The following PCDHGB2 variants were observed in gnomAD, a reference collection of about 807,000 sequenced individuals.
PCDHGB2 encodes protocadherin gamma-B2.
Under a neutral mutation model 59.3 loss-of-function variants are expected in PCDHGB2, and 55 were observed. That is an observed-to-expected ratio of 0.93 (90% CI 0.75 to 1.16). The LOEUF (loss-of-function observed/expected upper bound fraction) is 1.16, where lower values mean the gene tolerates loss of function less well. Ranked by LOEUF, PCDHGB2 falls within the 50% of genes most tolerant of loss-of-function variation. The pLI, the probability that PCDHGB2 is intolerant of heterozygous loss-of-function variation, is 0.00. For missense variants in PCDHGB2, 1,228 were observed against 1,198.5 expected (o/e 1.02, Z -0.36); for synonymous variants, 516 against 512.0 (o/e 1.01, Z -0.11).
intron 1 of PCDHGB2, chr5:141,421,835 G>A (rs755889809): frequency 5.6e-6 from 9 of 1,613,746 alleles, no homozygotes; most frequent in Non-Finnish European, 6.8e-6. Context: ...AGCCTGGACC[G>A]AGAGAAAGAG....
chr5:141,511,276 T>C lies in PCDHGB2; in HGVS notation c.*103T>C. On this transcript the variant is annotated 3_prime_UTR_variant, in exon 4 of 4. Coordinates refer to ENST00000522605, the MANE Select transcript of PCDHGB2 (RefSeq NM_018923.3). ...AGAGTTTCAGGGCTAACCCCCAGAA[T>C]ACTGGTAGGGGCCAAGGCCATGCTC... 6.5e-7 allele frequency: 1 copy of C among 1,538,084 alleles called. No homozygotes were observed. Among genetic ancestry groups the C allele is most frequent in the Non-Finnish European group, 8.8e-7 (1 of 1,140,720 alleles).
chr5:141,403,530 AG>A (rs1303990777), intron 1 of PCDHGB2: 2 of 1,613,988 alleles, frequency 1.2e-6, no homozygotes. Context: ...ATAAACCCAG[AG>A]CTGGTGCTGG....
chr5:141,399,859 G>A (rs2093908235), intron 1 of PCDHGB2: 1 of 1,612,726 alleles, frequency 6.2e-7, no homozygotes, highest in Admixed American at 1.7e-5. Flanking sequence ...GCCGCGCGCT[G>A]CAGAGCCCGG....
Position 141,511,376 on chromosome 5 carries a change from G to C in PCDHGB2, c.*203G>C. ...CCAGGGGGTTGAATATGCAAAAGCA[G>C]TTCCGCTGGGAACCCCCATCCAATC... On this transcript the variant is annotated 3_prime_UTR_variant, in exon 4 of 4. Coordinates refer to ENST00000522605, the MANE Select transcript of PCDHGB2 (RefSeq NM_018923.3). 1 of 1,211,520 alleles carries C rather than the reference G, an allele frequency of 8.3e-7. No homozygotes were observed. The allele number at this position is 1,211,520 out of a possible 1,614,324, so 75.0% of individuals were successfully genotyped here.
intron 1 of PCDHGB2, chr5:141,418,509 G>T: frequency 6.2e-7 from 1 of 1,613,986 alleles, no homozygotes; most frequent in Non-Finnish European, 8.5e-7. Flanking sequence ...GCCTTAGATG[G>T]TGGGGACCCT....
intron 1 of PCDHGB2, chr5:141,430,861 A>C: frequency 6.3e-7 from 1 of 1,592,834 alleles, no homozygotes; most frequent in Middle Eastern, 1.7e-4. Flanking sequence ...TACGCTATTC[A>C]GTTCCGGAAG....
At chr5:141,412,527 A>G (rs1017506409) in intron 1 of PCDHGB2, 3 of 152,186 alleles carry the variant, frequency 2.0e-5, no homozygotes, top group Admixed American at 1.3e-4. Context: ...AGTAGTTACA[A>G]TTATAAAGCT....
intron 1 of PCDHGB2, chr5:141,419,499 G>A: frequency 6.2e-7 from 1 of 1,612,368 alleles, no homozygotes; most frequent in Non-Finnish European, 8.5e-7. Context: ...GCCAATGTGA[G>A]CCTGCGCGTG....
intron 1 of PCDHGB2, chr5:141,390,892 G>A (rs1476434709): frequency 2.6e-5 from 4 of 152,470 alleles, no homozygotes; most frequent in East Asian, 3.8e-4. Context: ...GTGTGTGAGA[G>A]AGATCCTTTT....
chr5:141,463,510 G>A (rs1031854898), intron 1 of PCDHGB2, among the ~76,000 whole-genome samples: 4 of 143,710 alleles, frequency 2.8e-5, no homozygotes, highest in Non-Finnish European at 4.5e-5. Context: ...GTGACGTGGC[G>A]TGATCTCGGC....
chr5:141,370,506 C>T (rs1435099354), intron 1 of PCDHGB2: 1 of 1,613,912 alleles, frequency 6.2e-7, no homozygotes, highest in South Asian at 1.1e-5. Context: ...CTACGCTATT[C>T]CCGAGGAGCT....
chr5:141,429,377 G>T (rs1029180912), intron 1 of PCDHGB2, among the ~76,000 whole-genome samples: 1 of 149,434 alleles, frequency 6.7e-6, no homozygotes, highest in African/African-American at 2.5e-5. Context: ...GAGAAAATGT[G>T]TTTTTTTTTT....
chr5:141,413,366 C>T (rs1452603006), intron 1 of PCDHGB2: 2 of 1,613,958 alleles, frequency 1.2e-6, no homozygotes, highest in Middle Eastern at 1.7e-4. Flanking sequence ...CGGGAGCTGG[C>T]GGAGCGCGGA....
At chr5:141,364,793 C>G in intron 1 of PCDHGB2, 2 of 1,614,028 alleles carry the variant, frequency 1.2e-6, no homozygotes, top group Non-Finnish European at 1.7e-6. Flanking sequence ...GTTAGTGCTT[C>G]CCTTCGCGCG....
At position 141,489,559 on chromosome 5, in the gene PCDHGB2, C is replaced by A; in HGVS notation, c.2422-5248C>A. ...CAGCACCAGCTGCCTGCTGCCAGTG[C>A]AGGTGGTGACTGAACACCCCCTGGA... On this transcript the variant is annotated intron_variant, in intron 1 of 3. Coordinates refer to ENST00000522605, the MANE Select transcript of PCDHGB2 (RefSeq NM_018923.3). This position sits in a 1 kb window ranked among gnomAD's most constrained non-coding sequence, Gnocchi z 4.5. The A allele has an allele frequency of 6.2e-7, 1 of 1,614,078 alleles. No homozygotes were observed. The highest frequency in any genetic ancestry group is 8.5e-7 in the Non-Finnish European group (1 of 1,180,014).
chr5:141,422,259 C>T (rs751340056), intron 1 of PCDHGB2: 2 of 1,565,034 alleles, frequency 1.3e-6, no homozygotes, highest in Non-Finnish European at 1.7e-6. Flanking sequence ...TGAATGATAA[C>T]GCTCCAGAAA....
intron 1 of PCDHGB2, chr5:141,433,291 T>C: frequency 9.1e-7 from 1 of 1,094,048 alleles, no homozygotes; most frequent in Non-Finnish European, 1.3e-6. Context: ...ACTCCTAGGC[T>C]CAAGCAATTA....
intron 1 of PCDHGB2, among the ~76,000 whole-genome samples, chr5:141,452,868 C>T (rs1339532803): frequency 6.6e-6 from 1 of 152,170 alleles, no homozygotes; most frequent in Non-Finnish European, 1.5e-5. Flanking sequence ...TTTTCTAACT[C>T]CATTTGTAAT....
intron 3 of PCDHGB2, among the ~76,000 whole-genome samples, chr5:141,509,450 C>A (rs2099876883): frequency 6.6e-6 from 1 of 152,128 alleles, no homozygotes; most frequent in Non-Finnish European, 1.5e-5. Context: ...CCTCTCCCAC[C>A]CCCGACCCAG....
Sources: allele counts gnomAD v4.1 joint callset (sites outside exome capture counted in the v4.1 genomes callset), GRCh38; gene constraint gnomAD v4.1.1; non-coding constraint Gnocchi (gnomAD v3.1); transcripts MANE v1.5; gene names NCBI Gene and HGNC (gene_info 2026-07-23, HGNC 2026-07-21).